The following PIK3R2 variants were observed in gnomAD, a reference collection of about 807,000 sequenced individuals.
The protein encoded by PIK3R2 is phosphatidylinositol 3-kinase regulatory subunit beta.
Under a neutral mutation model 78.5 loss-of-function variants are expected in PIK3R2, and 40 were observed. The ratio of observed to expected loss-of-function variants is 0.51; its 90% confidence interval spans 0.40 to 0.66. The LOEUF (loss-of-function observed/expected upper bound fraction) is 0.66, where lower values mean the gene tolerates loss of function less well. Ranked by LOEUF, PIK3R2 falls within the 30% of genes least tolerant of loss-of-function variation. The pLI, the probability that PIK3R2 is intolerant of heterozygous loss-of-function variation, is 0.00. For missense variants in PIK3R2, 880 were observed against 1,026.6 expected, an observed-to-expected ratio of 0.86 and a Z score of 1.95; for synonymous variants, 473 against 457.7, an observed-to-expected ratio of 1.03 and a Z score of -0.43.
rs1358866738 is a variant in PIK3R2 at position 18,169,266 on chromosome 19, G to T, written c.2159G>T (p.Gly720Val). The change falls in exon 16 of 16, where the codon GGC (glycine) becomes GTC (valine). Residue 720 changes from glycine (G) to valine (V), a missense_variant. Gly to Val is a moderately radical substitution (Grantham distance 109). Around this residue, in one of 3 missense-constraint regions of PIK3R2, gnomAD observed 268 missense variants for 299.1 expected, o/e 0.90. Transcript: ENST00000222254. The part of the protein sequence containing the change: ...VTLAHPVRAP[G>V]PGPPPAAR ...CTGGCGCACCCAGTGCGCGCCCCGG[G>T]CCCCGGCCCGCCGCCTGCCGCCCGC... 3.3e-6 allele frequency: 5 copies of T among 1,522,866 alleles called. No individual in the cohort carries two copies. The South Asian group carries it at 6.0e-5, about 18-fold the overall frequency. 94.3% of individuals were successfully genotyped at this position (1,522,866 alleles called of 1,614,324 possible).
chr19:18,154,126 G>A (rs562635114), intron 1 of PIK3R2, among the ~76,000 whole-genome samples: 3 of 152,252 alleles, frequency 2.0e-5, no homozygotes, highest in Non-Finnish European at 2.9e-5. Context: ...CGTTCCGTCT[G>A]CCTGTCGCGC....
Position 18,156,966 on chromosome 19 carries a change from C to T in PIK3R2, c.322+765C>T, listed in dbSNP as rs2043684333. Among the ~76,000 whole-genome samples, 1 of 152,158 alleles carries T rather than the reference C, an allele frequency of 6.6e-6. No homozygotes were observed. The highest frequency in any genetic ancestry group is 2.4e-5 in the African/African-American group (1 of 41,442). ...AGGAGGCTAAGAGGTGCTGCATGCT[C>T]GGCATGGTCTGCTCCGACCCTCCCA... On this transcript the variant is annotated intron_variant, in intron 2 of 15. Coordinates refer to ENST00000222254, the MANE Select transcript of PIK3R2 (RefSeq NM_005027.4). This position sits in a 1 kb window ranked among gnomAD's most constrained non-coding sequence, Gnocchi z 4.2.
Position 18,161,286 on chromosome 19 carries a change from G to A in PIK3R2, c.606G>A (p.Ala202=). ...AEARRALREA[A]GPVGPALEPP... ...CTGGCCATCTGTCCGCAGAGGCCGC[G>A]GGGCCCGTGGGGCCGGCGCTGGAGC... Residue 202 remains alanine, a synonymous_variant, in exon 6 of 16, where the codon GCG becomes GCA. Coordinates refer to ENST00000222254, the MANE Select transcript of PIK3R2 (RefSeq NM_005027.4). This position sits in a 1 kb window ranked among gnomAD's most constrained non-coding sequence, Gnocchi z 5.3. 1 of 1,388,176 alleles carries A rather than the reference G, an allele frequency of 7.2e-7. No homozygotes were observed. Among genetic ancestry groups the A allele is most frequent in the Non-Finnish European group, 9.3e-7 (1 of 1,079,224 alleles). The allele number at this position is 1,388,176 out of a possible 1,614,324, so 86.0% of individuals were successfully genotyped here. A position where few individuals can be genotyped will look rare whatever the true frequency, so the allele number is the denominator to read the frequency against.
chr19:18,163,204 T>A, intron 10 of PIK3R2, 57 bp downstream of exon 10: 1 of 1,613,470 alleles, frequency 6.2e-7, no homozygotes. Flanking sequence ...CAGGCCTCAG[T>A]TTCCTAGGTA....
chr19:18,161,215 A>T lies in PIK3R2; in HGVS notation c.598+30A>T. 6.5e-7 allele frequency: 1 copy of T among 1,529,530 alleles called. No homozygotes were observed. Among genetic ancestry groups the T allele is most frequent in the Non-Finnish European group, 8.8e-7 (1 of 1,139,610 alleles). The allele number at this position is 1,529,530 out of a possible 1,614,324, so 94.7% of individuals were successfully genotyped here. A position where few individuals can be genotyped will look rare whatever the true frequency, so the allele number is the denominator to read the frequency against. ...GCCTGGCGGGTAGCCCGGGGGAAGG[A>T]GGGGGCTGTAGCGGGTGGGAGGGCC... is the stretch of plus-strand genomic sequence containing the variant. On this transcript the variant is annotated intron_variant, in intron 5 of 15. Coordinates refer to ENST00000222254, the MANE Select transcript of PIK3R2 (RefSeq NM_005027.4). The surrounding 1 kb of genome is among the most constrained non-coding windows in gnomAD (Gnocchi z 5.3).
In PIK3R2 at chr19:18,168,326, C is replaced by A. The variant is rs1173579761; in HGVS notation, c.1737-149C>A. On this transcript the variant is annotated intron_variant, in intron 13 of 15. Coordinates refer to ENST00000222254, the MANE Select transcript of PIK3R2 (RefSeq NM_005027.4). This position sits in a 1 kb window ranked among gnomAD's most constrained non-coding sequence, Gnocchi z 4.1. Reference sequence around the variant, plus strand: ...CACCCTGGGTTCAGGCTGCCCTGAGCCAGGTCAGCTCTGCCCTCTTGTGGC... The same window carrying A: ...CACCCTGGGTTCAGGCTGCCCTGAGACAGGTCAGCTCTGCCCTCTTGTGGC... 3.2e-6 allele frequency: 2 copies of A among 631,166 alleles called. No homozygotes were observed. 39.1% of individuals were successfully genotyped at this position (631,166 alleles called of 1,614,324 possible).
At position 18,156,011 on chromosome 19, in the gene PIK3R2, C is replaced by G. The variant is rs2147944929; in HGVS notation, c.132C>G (p.Ala44=). ...CGGCCTTGCAGGCGCTGGGCGTGGC[C>G]GAGGGTGGCGAGCGCTGCCCACAGA... ...SRAALQALGV[A]EGGERCPQSV... is the part of the protein sequence containing the mutation. Residue 44 remains alanine (A), a synonymous_variant, in exon 2 of 16, where the codon GCC becomes GCG. Coordinates refer to ENST00000222254, the MANE Select transcript of PIK3R2 (RefSeq NM_005027.4). The surrounding 1 kb of genome is among the most constrained non-coding windows in gnomAD (Gnocchi z 4.2). The G allele has an allele frequency of 6.4e-7, 1 of 1,557,790 alleles. No homozygotes were observed. The highest frequency in any genetic ancestry group is 8.7e-7 in the Non-Finnish European group (1 of 1,151,200).
At position 18,168,973 on chromosome 19, in the gene PIK3R2, T is replaced by C; in HGVS notation, c.1979+77T>C. ...TGAATGCCTGCCGCGTGCCAGGCCT[T>C]GGGAAGGAGTCCCTGGTGGGGTCAT... On this transcript the variant is annotated intron_variant, in intron 15 of 15. Transcript: ENST00000222254. This position sits in a 1 kb window ranked among gnomAD's most constrained non-coding sequence, Gnocchi z 4.1. 1.9e-6 allele frequency: 3 copies of C among 1,562,900 alleles called. No homozygotes were observed. Among genetic ancestry groups the C allele is most frequent in the East Asian group, 2.3e-5 (1 of 43,250 alleles).
At chr19:18,164,399 C>T (rs923964356) in intron 11 of PIK3R2, among the ~76,000 whole-genome samples, 19 of 151,882 alleles carry the variant, frequency 1.3e-4, no homozygotes, top group Non-Finnish European at 2.4e-4. Flanking sequence ...CCCAGCTACT[C>T]GGAAGGCTGA....
rs568080631 is a variant in PIK3R2, at chr19:18,169,851, C to T, written c.*557C>T. On this transcript the variant is annotated 3_prime_UTR_variant, in exon 16 of 16. Transcript: ENST00000222254. ...TTCCCCTCCAAACCCCGAAGTGAAACCCGCCACCGGGTTACCCCCACAAGG... is the reference window on the plus strand; with the variant it reads ...TTCCCCTCCAAACCCCGAAGTGAAATCCGCCACCGGGTTACCCCCACAAGG... The T allele has an allele frequency of 9.8e-6, 2 of 203,888 alleles. No homozygotes were observed. Among genetic ancestry groups the T allele is most frequent in the Non-Finnish European group, 2.0e-5 (2 of 99,110 alleles). The allele number at this position is 203,888 out of a possible 1,614,324, so 12.6% of individuals were successfully genotyped here. A position where few individuals can be genotyped will look rare whatever the true frequency, so the allele number is the denominator to read the frequency against.
chr19:18,155,210 A>AC (rs1437740210), intron 1 of PIK3R2, among the ~76,000 whole-genome samples: 179 of 151,472 alleles, frequency 1.2e-3, no homozygotes, highest in Non-Finnish European at 1.7e-3. Flanking sequence ...AAAAAAAAAA[A>AC]AAAAAACTGA....
intron 11 of PIK3R2, among the ~76,000 whole-genome samples, chr19:18,164,911 A>G (rs1204513341): frequency 2.0e-5 from 3 of 149,552 alleles, no homozygotes; most frequent in Admixed American, 6.7e-5. Flanking sequence ...TAAAAAAAAA[A>G]AAAGAAAAAA....
rs769952523 is a variant in PIK3R2 at position 18,166,316 on chromosome 19, C to T, written c.1559+14C>T. On this transcript the variant is annotated intron_variant, in intron 12 of 15. Coordinates refer to ENST00000222254, the MANE Select transcript of PIK3R2 (RefSeq NM_005027.4). ...AGAGATGCAAAGGTGAGTCTGGCGC[C>T]TCTGCCCTGCCCCACCCCACCCTGA... 2 of 1,611,200 alleles carry T rather than the reference C, an allele frequency of 1.2e-6. No homozygotes were observed. The highest frequency in any genetic ancestry group is 1.7e-6 in the Non-Finnish European group (2 of 1,177,810).
At chr19:18,157,316 T>C (rs2043687667) in intron 2 of PIK3R2, among the ~76,000 whole-genome samples, 1 of 152,122 alleles carries the variant, frequency 6.6e-6, no homozygotes, top group Non-Finnish European at 1.5e-5. Context: ...CTCCCCCTGG[T>C]AACAGCCACC....
In PIK3R2 at chr19:18,169,147, G is replaced by A. The variant is rs753227634; in HGVS notation, c.2040G>A (p.Ala680=). The change falls in exon 16 of 16, where the codon GCG becomes GCA. Residue 680 remains alanine (A), a synonymous_variant. Coordinates refer to ENST00000222254, the MANE Select transcript of PIK3R2 (RefSeq NM_005027.4). Reference sequence around the variant, plus strand: ...GCACGGCCACCGGCTTCGGCTTCGCGGAGCCCTACAACCTGTACGGGTCGC... The same window carrying A: ...GCACGGCCACCGGCTTCGGCTTCGCAGAGCCCTACAACCTGTACGGGTCGC... The part of the protein sequence containing the change: ...IYRTATGFGF[A]EPYNLYGSLK... 6.8e-6 allele frequency: 11 copies of A among 1,611,716 alleles called. No individual in the cohort carries two copies. The highest frequency in any genetic ancestry group is 1.7e-4 in the Middle Eastern group (1 of 5,866).
intron 11 of PIK3R2, among the ~76,000 whole-genome samples, chr19:18,164,921 A>T (rs1326203134): frequency 2.7e-5 from 4 of 149,866 alleles, no homozygotes; most frequent in Non-Finnish European, 5.9e-5. Flanking sequence ...AAAAGAAAAA[A>T]AAAATTTAAT....
rs1967134038 is a variant in PIK3R2, at chr19:18,169,587, T to G, written c.*293T>G. On this transcript the variant is annotated 3_prime_UTR_variant, in exon 16 of 16. Coordinates refer to ENST00000222254, the MANE Select transcript of PIK3R2 (RefSeq NM_005027.4). ...CTCCGGGCATTGCCCTCTCCATGGCTCTGGTCACCCTGACCCTCTGCCCTG... is the reference window on the plus strand; with the variant it reads ...CTCCGGGCATTGCCCTCTCCATGGCGCTGGTCACCCTGACCCTCTGCCCTG... 6.9e-6 allele frequency: 2 copies of G among 288,992 alleles called. No individual in the cohort carries two copies. The highest frequency in any genetic ancestry group is 1.4e-4 in the South Asian group (1 of 6,968). 17.9% of individuals were successfully genotyped at this position (288,992 alleles called of 1,614,324 possible). A position where few individuals can be genotyped will look rare whatever the true frequency, so the allele number is the denominator to read the frequency against.
chr19:18,162,557 C>G (rs373892602), intron 9 of PIK3R2, 51 bp downstream of exon 9: 1 of 1,501,502 alleles, frequency 6.7e-7, no homozygotes, highest in African/African-American at 1.4e-5. Context: ...TCACAGAGAC[C>G]GGGAGTTCAG....
In PIK3R2 at chr19:18,161,598, G is replaced by C. The variant is rs1396038988; in HGVS notation, c.815+103G>C. ...GCGTCTAGACCCTAAGAAGGGAGGG[G>C]ATGGGGTCCAGAGTGAGAAGCTGCG... On this transcript the variant is annotated intron_variant, in intron 6 of 15. Coordinates refer to ENST00000222254, the MANE Select transcript of PIK3R2 (RefSeq NM_005027.4). This position sits in a 1 kb window ranked among gnomAD's most constrained non-coding sequence, Gnocchi z 5.3. 1.3e-5 allele frequency: 6 copies of C among 458,120 alleles called. No homozygotes were observed. Among genetic ancestry groups the C allele is most frequent in the African/African-American group, 1.2e-4 (6 of 48,978 alleles). 28.4% of individuals were successfully genotyped at this position (458,120 alleles called of 1,614,324 possible). A position where few individuals can be genotyped will look rare whatever the true frequency, so the allele number is the denominator to read the frequency against.
Sources: gnomAD v4.1 joint callset for allele counts (sites outside exome capture counted in the v4.1 genomes callset) on GRCh38, gnomAD v4.1.1 for gene constraint, gnomAD v4.1.1 regional missense constraint, Gnocchi (gnomAD v3.1) non-coding constraint, MANE v1.5 for transcripts, NCBI Gene and HGNC (gene_info 2026-07-23, HGNC 2026-07-21) for gene names.